Variants in MS4A12 observed in about 807,000 individuals in gnomAD.
MS4A12 encodes the protein membrane spanning 4-domains A12, also known as membrane-spanning 4-domains subfamily A member 12.
Under a neutral mutation model 23.7 loss-of-function variants are expected in MS4A12, and 28 were observed. The observed-to-expected ratio is 1.18, with a 90% CI of 0.88 to 1.62. The LOEUF is 1.62. MS4A12 is among the 40% of genes most tolerant of loss of function. MS4A12 has a pLI of 0.00. For missense variants in MS4A12, 342 were observed against 327.0 expected (o/e 1.05, Z -0.35); for synonymous variants, 108 against 110.1 (o/e 0.98, Z 0.12).
Position 60,501,150 on chromosome 11 carries a change from A to C in MS4A12, c.382A>C (p.Ile128Leu). The C allele has an allele frequency of 6.2e-7, 1 of 1,612,570 alleles. No homozygotes were observed. Among genetic ancestry groups the C allele is most frequent in the Non-Finnish European group, 8.5e-7 (1 of 1,179,508 alleles). ...ATTAGGTTTTGCCTCTACTGCTGTT[A>C]TTGGTGGATACCCATTCTGGGGTGG... Reference protein sequence around the residue: ...EVLGFASTAVIGGYPFWGGLS... With the variant: ...EVLGFASTAVLGGYPFWGGLS... Residue 128 changes from isoleucine to leucine, a missense_variant, in exon 3 of 7, where the codon ATT becomes CTT. Transcript: ENST00000016913.
rs1160589718 is a variant in MS4A12 at position 60,497,441 on chromosome 11, C to T, written c.123C>T (p.Asn41=). 2 of 1,614,176 alleles carry T rather than the reference C, an allele frequency of 1.2e-6. No homozygotes were observed. The highest frequency in any genetic ancestry group is 1.7e-6 in the Non-Finnish European group (2 of 1,180,040). The change falls in exon 2 of 7, where the codon AAC becomes AAT. Residue 41 remains asparagine (N), a synonymous_variant. Transcript: ENST00000016913. ...QQPLGSINLE[N]QAQGAQRAQP... ...CTCTGGGTTCAATCAACTTAGAAAA[C>T]CAAGCTCAGGGTGCTCAGCGTGCTC...
intron 4 of MS4A12, among the ~76,000 whole-genome samples, chr11:60,502,242 C>T (rs923832851): frequency 2.6e-5 from 4 of 152,162 alleles, no homozygotes; most frequent in Admixed American, 6.5e-5. Context: ...AGCTCCATAT[C>T]CTGACTCTTG....
At chr11:60,498,220 G>A (rs75903544) in intron 2 of MS4A12, among the ~76,000 whole-genome samples, 2,033 of 152,148 alleles carry the variant, frequency 0.013, 42 homozygotes, top group African/African-American at 0.046. Flanking sequence ...TCCCTTCTCC[G>A]TGCTTTCCAA....
Position 60,504,005 on chromosome 11 carries a change from G to A in MS4A12, c.588+188G>A, listed in dbSNP as rs565198207. On this transcript the variant is annotated intron_variant, in intron 5 of 6. Transcript: ENST00000016913. ...AGAGGGTTACCTCTACAGATAGACC[G>A]AGGCTTAAAGGACATCCTTTATTGG... is the stretch of plus-strand genomic sequence containing the variant. Among the ~76,000 whole-genome samples the A allele has an allele frequency of 1.7e-4, 26 of 152,288 alleles. No individual in the cohort carries two copies. In the East Asian group the frequency reaches 4.6e-3, roughly 27 times the overall value.
At chr11:60,500,022 G>T (rs1350918771) in intron 2 of MS4A12, among the ~76,000 whole-genome samples, 1 of 150,338 alleles carries the variant, frequency 6.7e-6, no homozygotes, top group Non-Finnish European at 1.5e-5. Flanking sequence ...GGCAGATCAA[G>T]AGGTCAGAAG....
intron 1 of MS4A12, among the ~76,000 whole-genome samples, chr11:60,496,849 C>A (rs2086490735): frequency 6.6e-6 from 1 of 152,174 alleles, no homozygotes; most frequent in Non-Finnish European, 1.5e-5. Flanking sequence ...CACCTTGGTT[C>A]ATGGACGCCT....
chr11:60,504,421 G>A (rs1372738641), intron 5 of MS4A12, among the ~76,000 whole-genome samples: 2 of 152,176 alleles, frequency 1.3e-5, no homozygotes, highest in African/African-American at 4.8e-5. Flanking sequence ...TATAAAATGA[G>A]GTTGGGCTGG....
intron 5 of MS4A12, 126 bp from the exon 6 acceptor site, chr11:60,506,602 C>A: frequency 1.5e-6 from 1 of 656,004 alleles, no homozygotes; most frequent in Non-Finnish European, 2.7e-6. Flanking sequence ...TTTGATGATA[C>A]TGGAAGAATA....
intron 2 of MS4A12, among the ~76,000 whole-genome samples, chr11:60,500,367 G>A (rs1354055299): frequency 6.6e-6 from 1 of 152,140 alleles, no homozygotes; most frequent in Non-Finnish European, 1.5e-5. Context: ...TTAATTTGGT[G>A]TAATCAAGAA....
chr11:60,494,847 G>A (rs1190383074), intron 1 of MS4A12, among the ~76,000 whole-genome samples: 1 of 152,060 alleles, frequency 6.6e-6, no homozygotes, highest in African/African-American at 2.4e-5. Context: ...AGCAATATTT[G>A]GCCACCGAAA....
intron 1 of MS4A12, among the ~76,000 whole-genome samples, chr11:60,493,268 C>CG (rs1040755454): frequency 6.6e-6 from 1 of 151,050 alleles, no homozygotes; most frequent in African/African-American, 2.4e-5. Context: ...CCCAGCTACT[C>CG]GGGGGGCTGA....
chr11:60,502,132 A>T, intron 4 of MS4A12, 93 bp downstream of exon 4: 1 of 1,293,666 alleles, frequency 7.7e-7, no homozygotes, highest in Non-Finnish European at 1.1e-6. Context: ...GGGAAATGCA[A>T]AAGGGAGCAC....
chr11:60,496,902 G>A (rs1470586643), intron 1 of MS4A12, among the ~76,000 whole-genome samples: 1 of 152,184 alleles, frequency 6.6e-6, no homozygotes, highest in Non-Finnish European at 1.5e-5. Context: ...TCTCTAATGA[G>A]GGATGGTTTC....
At chr11:60,494,595 A>G (rs1484528342) in intron 1 of MS4A12, among the ~76,000 whole-genome samples, 3 of 152,198 alleles carry the variant, frequency 2.0e-5, no homozygotes, top group African/African-American at 7.2e-5. Flanking sequence ...CTAAAACAAG[A>G]TAGAATACCT....
Position 60,507,276 on chromosome 11 carries a change from A to G in MS4A12, c.*152A>G. ...TAGGTTGGTCGCTAATGATGGCTGTATCTCCCTTCACTGTCTCTTCCTACA... is the reference window on the plus strand; with the variant it reads ...TAGGTTGGTCGCTAATGATGGCTGTGTCTCCCTTCACTGTCTCTTCCTACA... On this transcript the variant is annotated 3_prime_UTR_variant, in exon 7 of 7. Coordinates refer to ENST00000016913, the MANE Select transcript of MS4A12 (RefSeq NM_017716.3). The G allele has an allele frequency of 6.3e-6, 4 of 634,800 alleles. No homozygotes were observed. Among genetic ancestry groups the G allele is most frequent in the Non-Finnish European group, 8.3e-6 (3 of 362,108 alleles). The allele number at this position is 634,800 out of a possible 1,614,324, so 39.3% of individuals were successfully genotyped here. A position where few individuals can be genotyped will look rare whatever the true frequency, so the allele number is the denominator to read the frequency against.
rs1941019 is a variant in MS4A12, at chr11:60,501,591, G to C, written c.415-392G>C. On this transcript the variant is annotated intron_variant, in intron 3 of 6. Coordinates refer to ENST00000016913, the MANE Select transcript of MS4A12 (RefSeq NM_017716.3). Reference sequence around the variant, plus strand: ...AAGCCAGGCATAGTGGTGTGTGATTGTAGTCCCAGCTACTTGGGAGGCTGA... The same window carrying C: ...AAGCCAGGCATAGTGGTGTGTGATTCTAGTCCCAGCTACTTGGGAGGCTGA... Among the ~76,000 whole-genome samples the C allele has an allele frequency of 8.4e-4, 128 of 152,074 alleles. 2 individuals are homozygous for C. The highest frequency in any genetic ancestry group is 2.9e-3 in the African/African-American group (120 of 41,466).
In MS4A12 at chr11:60,507,065, C is replaced by T. The variant is rs1191210210; in HGVS notation, c.745C>T (p.Pro249Ser). The stretch of plus-strand genomic sequence containing the variant: ...TATGTATGAAAGCAACCCTGTGACA[C>T]CAGCGTCTTCTTCAGCTCCTCCCAG... ...PNMYESNPVTPASSSAPPRCN... is the reference protein window; with the variant it reads ...PNMYESNPVTSASSSAPPRCN... Residue 249 changes from proline (P) to serine (S), a missense_variant, in exon 7 of 7, where the codon CCA (proline) becomes TCA (serine). Coordinates refer to ENST00000016913, the MANE Select transcript of MS4A12 (RefSeq NM_017716.3). 1 of 1,614,060 alleles carries T rather than the reference C, an allele frequency of 6.2e-7. No individual in the cohort carries two copies. Among genetic ancestry groups the T allele is most frequent in the African/African-American group, 1.3e-5 (1 of 75,044 alleles).
chr11:60,501,062 T>G lies in MS4A12; in HGVS notation c.294T>G (p.Val98=). 1 of 1,608,810 alleles carries G rather than the reference T, an allele frequency of 6.2e-7. No individual in the cohort carries two copies. Among genetic ancestry groups the G allele is most frequent in the Non-Finnish European group, 8.5e-7 (1 of 1,178,362 alleles). The change falls in exon 3 of 7, where the codon GTT becomes GTG. Residue 98 remains valine (V), a synonymous_variant. Transcript: ENST00000016913. The stretch of plus-strand genomic sequence containing the variant: ...TTTTTCAGGTGATCCAGATCATGGT[T>G]GGATTGATGCACATTGGTTTTGGAA... ...AKALGVIQIM[V]GLMHIGFGIV...
chr11:60,496,831 G>T (rs1051460303), intron 1 of MS4A12, among the ~76,000 whole-genome samples: 4 of 152,124 alleles, frequency 2.6e-5, no homozygotes, highest in Non-Finnish European at 5.9e-5. Context: ...TTCTAGAGGC[G>T]ACCCATACAC....
Sources: allele counts gnomAD v4.1 joint callset (sites outside exome capture counted in the v4.1 genomes callset), GRCh38; gene constraint gnomAD v4.1.1; transcripts MANE v1.5; gene names NCBI Gene and HGNC (gene_info 2026-07-23, HGNC 2026-07-21).